Variants in SLC9A9 observed in about 807,000 individuals in gnomAD.
SLC9A9 encodes the protein sodium/hydrogen exchanger 9.
A neutral mutation model predicts 77.8 loss-of-function variants in SLC9A9; 62 were observed. That is an observed-to-expected ratio of 0.80 (90% confidence interval 0.65 to 0.98). The LOEUF is 0.98. Among genes scored for constraint, SLC9A9 ranks in the 50% least tolerant of loss-of-function variants. The pLI, the probability that SLC9A9 is intolerant of heterozygous loss-of-function variation, is 0.00. For missense variants in SLC9A9, 775 were observed against 774.9 expected, an observed-to-expected ratio of 1.00 and a Z score of 0.00; for synonymous variants, 320 against 283.5, an observed-to-expected ratio of 1.13 and a Z score of -1.29.
chr3:143,830,203 G>C (rs1238170790), intron 2 of SLC9A9, among the ~76,000 whole-genome samples: 1 of 152,176 alleles, frequency 6.6e-6, no homozygotes, highest in African/African-American at 2.4e-5. Context: ...CAGTAAGTAT[G>C]CTAGTAGATG....
intron 14 of SLC9A9, chr3:143,343,418 G>C (rs1307001401): frequency 2.0e-5 from 3 of 152,140 alleles, no homozygotes; most frequent in Non-Finnish European, 4.4e-5. Flanking sequence ...AAGATGTAAA[G>C]AGGGGAAAAA....
chr3:143,527,595 C>T (rs2036426861), intron 9 of SLC9A9, among the ~76,000 whole-genome samples: 1 of 152,162 alleles, frequency 6.6e-6, no homozygotes, highest in African/African-American at 2.4e-5. Flanking sequence ...TATATTTTAT[C>T]TTTCTAAAAC....
chr3:143,431,977 C>T (rs985755111), intron 12 of SLC9A9, among the ~76,000 whole-genome samples: 4 of 152,200 alleles, frequency 2.6e-5, no homozygotes, highest in African/African-American at 9.6e-5. Context: ...CTCAGTGAGG[C>T]CTACTTGGAC....
intron 12 of SLC9A9, among the ~76,000 whole-genome samples, chr3:143,424,851 C>G (rs191947703): frequency 1.3e-5 from 2 of 152,124 alleles, no homozygotes; most frequent in African/African-American, 4.8e-5. Context: ...ACTAGGCCTA[C>G]GTTATCTGTG....
intron 5 of SLC9A9, among the ~76,000 whole-genome samples, chr3:143,674,153 A>G (rs948192012): frequency 2.0e-5 from 3 of 152,204 alleles, no homozygotes; most frequent in African/African-American, 4.8e-5. Flanking sequence ...CTTTGAAGAA[A>G]TGGAAGGTAC....
At chr3:143,330,402 AGCAG>A (rs1184132319) in intron 14 of SLC9A9, among the ~76,000 whole-genome samples, 2 of 152,228 alleles carry the variant, frequency 1.3e-5, no homozygotes, top group African/African-American at 4.8e-5. Flanking sequence ...AAATGTTCCC[AGCAG>A]TTAAGTAATC....
intron 4 of SLC9A9, among the ~76,000 whole-genome samples, chr3:143,695,103 C>T (rs1430757935): frequency 1.3e-5 from 2 of 152,090 alleles, no homozygotes; most frequent in Admixed American, 6.6e-5. Flanking sequence ...AGCACACTGC[C>T]GGTTACCAGG....
chr3:143,291,268 T>C (rs1350624950), intron 14 of SLC9A9, among the ~76,000 whole-genome samples: 1 of 152,212 alleles, frequency 6.6e-6, no homozygotes, highest in African/African-American at 2.4e-5. Flanking sequence ...CCCAGCTGAT[T>C]TGGCTGTCAG....
At chr3:143,577,532 A>G (rs2037379211) in intron 7 of SLC9A9, among the ~76,000 whole-genome samples, 1 of 152,224 alleles carries the variant, frequency 6.6e-6, no homozygotes, top group Admixed American at 6.5e-5. Flanking sequence ...GAGTGTTTAC[A>G]GTGTGATAAC....
intron 2 of SLC9A9, among the ~76,000 whole-genome samples, chr3:143,803,623 C>A (rs1203474778): frequency 6.6e-6 from 1 of 152,096 alleles, no homozygotes; most frequent in Non-Finnish European, 1.5e-5. Context: ...AAGTTCTATT[C>A]TTTACTTTTA....
intron 9 of SLC9A9, among the ~76,000 whole-genome samples, chr3:143,526,385 C>T (rs2036406251): frequency 6.6e-6 from 1 of 152,188 alleles, no homozygotes; most frequent in Non-Finnish European, 1.5e-5. Flanking sequence ...GCTCTGTGGG[C>T]ATTTGGTAAC....
chr3:143,556,390 C>T (rs533326699), intron 8 of SLC9A9, among the ~76,000 whole-genome samples: 2 of 152,320 alleles, frequency 1.3e-5, no homozygotes, highest in East Asian at 3.9e-4. Context: ...CTTTCCTTTG[C>T]CAGTGCTGTT....
At chr3:143,818,781 G>T (rs1052775971) in intron 2 of SLC9A9, among the ~76,000 whole-genome samples, 16 of 151,972 alleles carry the variant, frequency 1.1e-4, no homozygotes, top group African/African-American at 3.9e-4. Context: ...GAATGTTAAC[G>T]GTTAAAAACT....
At chr3:143,705,052 G>T (rs9846034) in intron 4 of SLC9A9, among the ~76,000 whole-genome samples, 555 of 37,370 alleles carry the variant, frequency 0.015, 8 homozygotes, top group East Asian at 0.045. Context: ...TATAGATATA[G>T]ATATAGATAT....
At chr3:143,527,779 G>A (rs565562866) in intron 9 of SLC9A9, among the ~76,000 whole-genome samples, 2 of 152,224 alleles carry the variant, frequency 1.3e-5, no homozygotes, top group Non-Finnish European at 2.9e-5. Flanking sequence ...CAGCAGTGGG[G>A]CACAACCAAA....
At chr3:143,467,240 T>C (rs182193409) in intron 11 of SLC9A9, 50 bp from the exon 12 acceptor site, 1 of 1,608,724 alleles carries the variant, frequency 6.2e-7, no homozygotes, top group Non-Finnish European at 8.5e-7. Flanking sequence ...GGTGTCTTTT[T>C]CATTTCAATG....
At chr3:143,531,536 T>C (rs1264206841) in intron 9 of SLC9A9, among the ~76,000 whole-genome samples, 1 of 152,158 alleles carries the variant, frequency 6.6e-6, no homozygotes, top group African/African-American at 2.4e-5. Context: ...CTTAAAAACC[T>C]TTAGGAAGAA....
chr3:143,721,574 T>G (rs1934499013), intron 4 of SLC9A9, among the ~76,000 whole-genome samples: 1 of 152,068 alleles, frequency 6.6e-6, no homozygotes, highest in African/African-American at 2.4e-5. Context: ...CTGATAGTCC[T>G]CCCCTGGGCA....
chr3:143,808,210 C>T (rs1481908265), intron 2 of SLC9A9, among the ~76,000 whole-genome samples: 3 of 152,134 alleles, frequency 2.0e-5, no homozygotes, highest in African/African-American at 7.2e-5. Flanking sequence ...GCACATATTC[C>T]ACATGTCTAG....
Sources: gnomAD v4.1 joint callset for allele counts (sites outside exome capture counted in the v4.1 genomes callset) on GRCh38, gnomAD v4.1.1 for gene constraint, MANE v1.5 for transcripts, NCBI Gene and HGNC (gene_info 2026-07-23, HGNC 2026-07-21) for gene names.